RNASEH1: variants seen among roughly 807,000 people sequenced by gnomAD.
RNASEH1 encodes the protein ribonuclease H type II.
A neutral mutation model predicts 34.6 loss-of-function variants in RNASEH1; 27 were observed. The ratio of observed to expected loss-of-function variants is 0.78; its 90% confidence interval spans 0.58 to 1.08. RNASEH1 has a LOEUF of 1.08. Ranked by LOEUF, RNASEH1 falls within the 50% of genes least tolerant of loss-of-function variation. The pLI is 0.00. For missense variants in RNASEH1, 349 were observed against 373.6 expected (o/e 0.93, Z 0.54); for synonymous variants, 162 against 138.4 (o/e 1.17, Z -1.20).
At chr2:3,554,516 A>C (rs551322568) in intron 2 of RNASEH1, among the ~76,000 whole-genome samples, 32 of 152,380 alleles carry the variant, frequency 2.1e-4, no homozygotes, top group South Asian at 1.7e-3. Context: ...ATGTTAAAAA[A>C]CAAAAAACTG....
intron 2 of RNASEH1, among the ~76,000 whole-genome samples, chr2:3,555,193 C>T (rs76039225): frequency 0.034 from 5,131 of 148,864 alleles, 137 homozygotes; most frequent in Non-Finnish European, 0.048. Context: ...ATCTCACCTC[C>T]GCCTTTCTTT....
rs1029774222 is a variant in RNASEH1 at position 3,541,610 on chromosome 2, C to G, written c.*4175G>C. Among the ~76,000 whole-genome samples the G allele has an allele frequency of 6.6e-6, 1 of 152,186 alleles. No individual in the cohort carries two copies. The highest frequency in any genetic ancestry group is 1.5e-5 in the Non-Finnish European group (1 of 68,044). ...TTATGCTGAGTAGAAGCACCTCCCC[C>G]CACAGTACTTGCTCTGCGATTCCAC... On this transcript the variant is annotated 3_prime_UTR_variant, in exon 8 of 8. Coordinates refer to ENST00000315212, the MANE Select transcript of RNASEH1 (RefSeq NM_002936.6).
At chr2:3,533,664 A>G in the RNASEH1 span, 3 of 152,290 alleles carry the variant, frequency 2.0e-5, no homozygotes, top group Admixed American at 6.5e-5. Context: ...CTCCTCCAAG[A>G]GCCAAACAGA....
rs554444678 is a variant in RNASEH1 at position 3,544,409 on chromosome 2, G to A, written c.*1376C>T. On this transcript the variant is annotated 3_prime_UTR_variant, in exon 8 of 8. Transcript: ENST00000315212. ...AGCCCAGGCTCTTCAACAGATAAAC[G>A]GCAGGGAAAACAGTGAGGCCGACGG... Among the ~76,000 whole-genome samples the A allele has an allele frequency of 3.3e-5, 5 of 152,160 alleles. No homozygotes were observed. Among genetic ancestry groups the A allele is most frequent in the Non-Finnish European group, 7.3e-5 (5 of 68,040 alleles).
At chr2:3,552,488 TCCACGCCATCTCCAC>T (rs1660050357) in intron 2 of RNASEH1, among the ~76,000 whole-genome samples, 180 bp from the exon 3 acceptor site, 1 of 32,562 alleles carries the variant, frequency 3.1e-5, no homozygotes, top group Non-Finnish European at 6.3e-5. Context: ...CTCCACCCCC[TCCACGCCATCTCCAC>T]CCCCTCCACA....
chr2:3,546,024 G>A (rs748322399), intron 7 of RNASEH1, among the ~76,000 whole-genome samples, 153 bp from the exon 8 acceptor site: 5 of 152,206 alleles, frequency 3.3e-5, no homozygotes, highest in African/African-American at 4.8e-5. Flanking sequence ...TCAACAGCAC[G>A]CTGTCCATTC....
At chr2:3,556,045 G>C (rs368797679) in intron 2 of RNASEH1, among the ~76,000 whole-genome samples, 1 of 151,934 alleles carries the variant, frequency 6.6e-6, no homozygotes, top group African/African-American at 2.4e-5. Flanking sequence ...GTGGTGGCAC[G>C]CACCTGTAAT....
rs546192152 is a variant in RNASEH1 at position 3,553,676 on chromosome 2, C to T, written c.245-1368G>A. ...CAGTGCTGGGATTACAGGCGTGAGC[C>T]GCTGCGCCCGGCCCCAAAGAGATTC... is the stretch of plus-strand genomic sequence containing the variant. On this transcript the variant is annotated intron_variant, in intron 2 of 7. Coordinates refer to ENST00000315212, the MANE Select transcript of RNASEH1 (RefSeq NM_002936.6). 4.6e-5 allele frequency among the ~76,000 whole-genome samples: 7 copies of T among 152,250 alleles called. No individual in the cohort carries two copies. In the South Asian group the frequency reaches 1.0e-3, roughly 23 times the overall value.
chr2:3,548,335 C>A (rs539160451), intron 6 of RNASEH1, among the ~76,000 whole-genome samples: 1 of 152,328 alleles, frequency 6.6e-6, no homozygotes, highest in South Asian at 2.1e-4. Context: ...CTACATGCTC[C>A]TATTCAGGGC....
At chr2:3,550,693 T>C (rs1659779027) in intron 3 of RNASEH1, among the ~76,000 whole-genome samples, 1 of 152,188 alleles carries the variant, frequency 6.6e-6, no homozygotes, top group African/African-American at 2.4e-5. Flanking sequence ...CCAGGCAAGT[T>C]CGGGGTGAAG....
intron 2 of RNASEH1, among the ~76,000 whole-genome samples, chr2:3,554,094 A>G (rs1442119532): frequency 6.6e-6 from 1 of 152,216 alleles, no homozygotes; most frequent in Admixed American, 6.5e-5. Flanking sequence ...TGTCCAGCCT[A>G]GTGGAGCTTC....
At chr2:3,534,819 C>A in the RNASEH1 span, among the ~76,000 whole-genome samples, 2 of 152,232 alleles carry the variant, frequency 1.3e-5, no homozygotes, top group South Asian at 4.1e-4. Context: ...GAGCATTCTT[C>A]AGCCTTAGAA....
chr2:3,552,042 T>C (rs1290575310), intron 3 of RNASEH1, 102 bp downstream of exon 3: 3 of 872,162 alleles, frequency 3.4e-6, no homozygotes, highest in African/African-American at 3.4e-5. Flanking sequence ...ATGAAGATGA[T>C]AAACACCAGC....
At chr2:3,553,546 C>T (rs945366285) in intron 2 of RNASEH1, among the ~76,000 whole-genome samples, 14 of 150,158 alleles carry the variant, frequency 9.3e-5, no homozygotes, top group African/African-American at 1.7e-4. Context: ...CCCACCACCA[C>T]ACCCAGCTAA....
At position 3,558,216 on chromosome 2, in the gene RNASEH1, G is replaced by C; in HGVS notation, c.45C>G (p.Ala15=). Residue 15 remains alanine (A), a synonymous_variant, in exon 1 of 8, where the codon GCC becomes GCG. Coordinates refer to ENST00000315212, the MANE Select transcript of RNASEH1 (RefSeq NM_002936.6). The part of the protein sequence containing the change: ...LFLAHRVALA[A]LPCRRGSRGF... ...CGCGAGAGCCGCGGCGGCAGGGCAA[G>C]GCGGCCAAGGCGACTCTGTGGGCCA... The C allele has an allele frequency of 6.3e-7, 1 of 1,599,456 alleles. No individual in the cohort carries two copies. The highest frequency in any genetic ancestry group is 8.5e-7 in the Non-Finnish European group (1 of 1,175,184).
chr2:3,541,990 T>C lies in RNASEH1; in HGVS notation c.*3795A>G, dbSNP rs1377988416. Among the ~76,000 whole-genome samples the C allele has an allele frequency of 6.6e-6, 1 of 152,056 alleles. No individual in the cohort carries two copies. The highest frequency in any genetic ancestry group is 1.9e-4 in the East Asian group (1 of 5,186). ...CAACACAGTGAGACACTGTTCCTATTTTAAATAACAAAACAAAACAAAAGT... is the reference window on the plus strand; with the variant it reads ...CAACACAGTGAGACACTGTTCCTATCTTAAATAACAAAACAAAACAAAAGT... On this transcript the variant is annotated 3_prime_UTR_variant, in exon 8 of 8. Coordinates refer to ENST00000315212, the MANE Select transcript of RNASEH1 (RefSeq NM_002936.6).
In RNASEH1 at chr2:3,548,659, G is replaced by A; in HGVS notation, c.630C>T (p.Asp210=). ...QNINKLVLYT[D]SMFTINGITN... ...GCTTACCATTTATCGTAAACATACT[G>A]TCTGTATACAGAACCAGTTTATTGA... The change falls in exon 6 of 8, where the codon GAC becomes GAT. Residue 210 remains aspartate, a synonymous_variant. Transcript: ENST00000315212. 2 of 1,602,172 alleles carry A rather than the reference G, an allele frequency of 1.2e-6. No individual in the cohort carries two copies. Among genetic ancestry groups the A allele is most frequent in the South Asian group, 2.2e-5 (2 of 90,744 alleles).
Position 3,550,408 on chromosome 2 carries a change from T to C in RNASEH1, c.474A>G (p.Ala158=), listed in dbSNP as rs61738918. Residue 158 remains alanine, a synonymous_variant, in exon 4 of 8, where the codon GCA becomes GCG. Transcript: ENST00000315212. ...CSSNGRRRPR[A]GIGVYWGPGH... ...CTGGCCCCCAGTAAACGCCGATTCC[T>C]GCTCGCGGCCTTCTACGCCCATTAC... 2.0e-3 allele frequency: 3,268 copies of C among 1,614,170 alleles called. 6 individuals are homozygous for C. The highest frequency in any genetic ancestry group is 3.8e-3 in the Middle Eastern group (23 of 6,062).
chr2:3,547,794 C>G, intron 7 of RNASEH1, 137 bp downstream of exon 7: 1 of 907,324 alleles, frequency 1.1e-6, no homozygotes, highest in Non-Finnish European at 1.7e-6. Context: ...GCCTCAAATA[C>G]GTTGTAATAT....
Sources: allele counts gnomAD v4.1 joint callset (sites outside exome capture counted in the v4.1 genomes callset), GRCh38; gene constraint gnomAD v4.1.1; transcripts MANE v1.5; gene names NCBI Gene and HGNC (gene_info 2026-07-23, HGNC 2026-07-21).